Variants in ITFG1 observed in about 807,000 individuals in gnomAD.
ITFG1 encodes the protein integrin alpha FG-GAP repeat containing 1, also known as T-cell immunomodulatory protein.
In ITFG1, 34 loss-of-function variants were observed where a neutral mutation model predicts 81.8. The observed-to-expected ratio is 0.42, with a 90% confidence interval of 0.32 to 0.55. The LOEUF is 0.55. ITFG1 is among the 20% of genes least tolerant of loss of function. ITFG1 has a pLI of 0.17. For missense variants in ITFG1, 672 were observed against 755.4 expected (o/e 0.89, Z 1.29); for synonymous variants, 285 against 270.6 (o/e 1.05, Z -0.52).
At chr16:47,256,051 T>G (rs1966135870) in intron 12 of ITFG1, among the ~76,000 whole-genome samples, 1 of 152,078 alleles carries the variant, frequency 6.6e-6, no homozygotes, top group African/African-American at 2.4e-5. Flanking sequence ...CTTGACTTAC[T>G]GCAACCTCTG....
chr16:47,372,740 A>G (rs1389289014), intron 7 of ITFG1, among the ~76,000 whole-genome samples: 1 of 152,160 alleles, frequency 6.6e-6, no homozygotes, highest in African/African-American at 2.4e-5. Context: ...GGTGTGAGCT[A>G]CTGTGCCTGG....
chr16:47,386,054 C>T (rs965155891), intron 6 of ITFG1, among the ~76,000 whole-genome samples: 2 of 152,046 alleles, frequency 1.3e-5, no homozygotes, highest in South Asian at 2.1e-4. Context: ...ATCTGTTATC[C>T]GGCATTAGGA....
At chr16:47,441,231 G>T (rs1969245217) in intron 5 of ITFG1, among the ~76,000 whole-genome samples, 1 of 152,124 alleles carries the variant, frequency 6.6e-6, no homozygotes, top group Non-Finnish European at 1.5e-5. Context: ...TGGATTCACA[G>T]CCAAATTCTA....
intron 14 of ITFG1, among the ~76,000 whole-genome samples, chr16:47,179,668 G>A (rs1033088915): frequency 2.2e-4 from 34 of 152,142 alleles, no homozygotes; most frequent in Admixed American, 6.5e-5. Context: ...TGTCTTCACG[G>A]AAAGCCATAA....
intron 14 of ITFG1, among the ~76,000 whole-genome samples, chr16:47,173,695 T>C (rs956281738): frequency 6.6e-6 from 1 of 152,244 alleles, no homozygotes; most frequent in African/African-American, 2.4e-5. Flanking sequence ...GCTTGCATTA[T>C]AGTCTGATTT....
At chr16:47,160,310 A>G (rs1277992560) in intron 16 of ITFG1, among the ~76,000 whole-genome samples, 1 of 152,106 alleles carries the variant, frequency 6.6e-6, no homozygotes, top group African/African-American at 2.4e-5. Context: ...ATGTATGTAT[A>G]GATGGCTTCT....
chr16:47,266,248 C>T (rs962812423), intron 10 of ITFG1, among the ~76,000 whole-genome samples: 6 of 152,094 alleles, frequency 3.9e-5, no homozygotes, highest in Admixed American at 1.3e-4. Flanking sequence ...GATGGAGTCT[C>T]GCTCTGTTGC....
At chr16:47,198,375 C>A (rs990414600) in intron 14 of ITFG1, among the ~76,000 whole-genome samples, 6 of 152,112 alleles carry the variant, frequency 3.9e-5, no homozygotes, top group Non-Finnish European at 8.8e-5. Context: ...GTCATGATGT[C>A]ATAGTGTAAG....
intron 10 of ITFG1, among the ~76,000 whole-genome samples, chr16:47,264,305 A>G (rs1024652367): frequency 1.3e-5 from 2 of 152,016 alleles, no homozygotes; most frequent in African/African-American, 4.8e-5. Flanking sequence ...TTTCCACTAC[A>G]TTATATAGCA....
At position 47,447,253 on chromosome 16, in the gene ITFG1, A is replaced by G. The variant is rs538546347; in HGVS notation, c.560+4143T>C. On this transcript the variant is annotated intron_variant, in intron 5 of 17. Coordinates refer to ENST00000320640, the MANE Select transcript of ITFG1 (RefSeq NM_030790.5). ...TCCCCAAACAAGGAAACAAAGTTTTAATACATTCCAATAAAAGGAAATGTT... is the reference window on the plus strand; with the variant it reads ...TCCCCAAACAAGGAAACAAAGTTTTGATACATTCCAATAAAAGGAAATGTT... Among the ~76,000 whole-genome samples the G allele has an allele frequency of 1.6e-3, 248 of 152,350 alleles. 2 individuals are homozygous for G. Among genetic ancestry groups the G allele is most frequent in the African/African-American group, 5.5e-3 (229 of 41,580 alleles).
chr16:47,348,057 C>T (rs1468649434), intron 8 of ITFG1, among the ~76,000 whole-genome samples: 2 of 152,154 alleles, frequency 1.3e-5, no homozygotes, highest in East Asian at 1.9e-4. Flanking sequence ...AAAACCCCAT[C>T]CGTACGTCAC....
At chr16:47,172,479 C>G (rs1283837611) in intron 14 of ITFG1, among the ~76,000 whole-genome samples, 1 of 152,182 alleles carries the variant, frequency 6.6e-6, no homozygotes, top group Non-Finnish European at 1.5e-5. Flanking sequence ...CAGAGTGAGA[C>G]ACCATTTCAA....
rs1222007051 is a variant in ITFG1, at chr16:47,376,964, C to CAAAAAAAAAAAAAAAAAAAAAAAA, written c.656-1048_656-1025dup. 1.4e-3 allele frequency among the ~76,000 whole-genome samples: 26 copies of CAAAAAAAAAAAAAAAAAAAAAAAA among 18,074 alleles called. 11 individuals carry two copies. Among genetic ancestry groups the CAAAAAAAAAAAAAAAAAAAAAAAA allele is most frequent in the African/African-American group, 3.0e-3 (24 of 8,054 alleles). The allele number at this position is 18,074 out of a possible 152,430, so 11.9% of individuals were successfully genotyped here. ...GAGACAGAGGGAGACTCTGTCTCCC[C>CAAAAAAAAAAAAAAAAAAAAAAAA]AAAAAAAAAAAAAAAAAAAAAAAAA... On this transcript the variant is annotated intron_variant, in intron 6 of 17. Transcript: ENST00000320640.
intron 14 of ITFG1, among the ~76,000 whole-genome samples, chr16:47,184,891 G>T (rs1409440236): frequency 6.6e-6 from 1 of 151,912 alleles, no homozygotes. Flanking sequence ...CCCATCTCAC[G>T]TGCAGAGACA....
chr16:47,237,819 A>G (rs1420134250), intron 13 of ITFG1, 146 bp downstream of exon 13: 1 of 542,938 alleles, frequency 1.8e-6, no homozygotes, highest in African/African-American at 2.0e-5. Flanking sequence ...CTTTACTTTC[A>G]GCACAGTTTT....
intron 6 of ITFG1, chr16:47,426,141 A>C (rs1419338997): frequency 6.6e-6 from 1 of 152,068 alleles, no homozygotes; most frequent in Non-Finnish European, 1.5e-5. Context: ...TAAGAATTTC[A>C]TGTAGGGCCA....
chr16:47,261,898 C>T (rs1032812692), intron 10 of ITFG1, among the ~76,000 whole-genome samples: 3 of 152,186 alleles, frequency 2.0e-5, no homozygotes, highest in African/African-American at 7.2e-5. Flanking sequence ...GTCTCAAACT[C>T]CTGAGCTCAA....
intron 10 of ITFG1, among the ~76,000 whole-genome samples, chr16:47,274,928 T>C (rs768461106): frequency 6.6e-6 from 1 of 152,192 alleles, no homozygotes; most frequent in East Asian, 1.9e-4. Flanking sequence ...TCTTTAGAAT[T>C]CTATTTCAAA....
chr16:47,287,250 T>G (rs1384857067), intron 10 of ITFG1, among the ~76,000 whole-genome samples: 5 of 152,120 alleles, frequency 3.3e-5, no homozygotes, highest in African/African-American at 1.2e-4. Flanking sequence ...TTACATATAA[T>G]TTTTTCTTAA....
Sources: allele counts gnomAD v4.1 joint callset (sites outside exome capture counted in the v4.1 genomes callset), GRCh38; gene constraint gnomAD v4.1.1; transcripts MANE v1.5; gene names NCBI Gene and HGNC (gene_info 2026-07-23, HGNC 2026-07-21).